Variants in MFN1 observed in about 807,000 individuals in gnomAD.
MFN1 encodes the protein mitofusin-1.
In MFN1, 65 loss-of-function variants were observed where a neutral mutation model predicts 92.4. The observed-to-expected ratio is 0.70, with a 90% CI of 0.58 to 0.86. The LOEUF is 0.86. Ranked by LOEUF, MFN1 falls within the 40% of genes least tolerant of loss-of-function variation. The probability of loss-of-function intolerance (pLI) is 0.00; values close to 1 mark genes in which losing one functional copy is unlikely to be tolerated. For missense variants in MFN1, 781 were observed against 868.0 expected, an observed-to-expected ratio of 0.90 and a Z score of 1.26; for synonymous variants, 297 against 300.9, an observed-to-expected ratio of 0.99 and a Z score of 0.13.
intron 2 of MFN1, among the ~76,000 whole-genome samples, chr3:179,349,722 C>T (rs1712067852): frequency 1.3e-5 from 2 of 151,936 alleles, no homozygotes; most frequent in Non-Finnish European, 2.9e-5. Context: ...ATTGGCCAGG[C>T]TGGTCTCGAA....
rs1173466635 is a variant in MFN1, at chr3:179,365,277, GTTAT to G, written c.753+55_753+58del. On this transcript the variant is annotated intron_variant, in intron 7 of 17. Transcript: ENST00000471841. ...GTTTTGAAATACAGTCACATACATTGTTATTTGAGAAAACAATATTGCTTATAGA... is the reference window on the plus strand; with the variant it reads ...GTTTTGAAATACAGTCACATACATTGTTGAGAAAACAATATTGCTTATAGA... 3 of 1,013,352 alleles carry G rather than the reference GTTAT, an allele frequency of 3.0e-6. No homozygotes were observed. The African/African-American group carries it at 5.1e-5, about 17-fold the overall frequency. 62.8% of individuals were successfully genotyped at this position (1,013,352 alleles called of 1,614,324 possible).
At chr3:179,376,734 C>A (rs915516845) in intron 10 of MFN1, among the ~76,000 whole-genome samples, 9 of 152,186 alleles carry the variant, frequency 5.9e-5, no homozygotes, top group Non-Finnish European at 4.4e-5. Flanking sequence ...TATATGCTGA[C>A]CCCTGCTTAT....
chr3:179,370,694 G>C (rs1712990226), intron 9 of MFN1, among the ~76,000 whole-genome samples: 1 of 152,286 alleles, frequency 6.6e-6, no homozygotes, highest in Non-Finnish European at 1.5e-5. Context: ...ACAGGCGTGA[G>C]CCACCGTGCC....
rs1342745073 is a variant in MFN1, at chr3:179,347,709, A to G, written c.-109A>G. 2 of 152,138 alleles carry G rather than the reference A, an allele frequency of 1.3e-5. No individual in the cohort carries two copies. The highest frequency in any genetic ancestry group is 3.4e-3 in the Middle Eastern group (1 of 294). 9.4% of individuals were successfully genotyped at this position (152,138 alleles called of 1,614,324 possible). On this transcript the variant is annotated 5_prime_UTR_variant, in exon 1 of 18. Transcript: ENST00000471841. ...AGGCCGGAAGTGACCGCCCTTTGCC[A>G]CTCCCCCTGCCTCCTCTCCGCCTTT...
chr3:179,349,900 C>T (rs1398721424), intron 2 of MFN1, among the ~76,000 whole-genome samples: 1 of 151,948 alleles, frequency 6.6e-6, no homozygotes, highest in Non-Finnish European at 1.5e-5. Flanking sequence ...ACCTGTAATC[C>T]CAGCACTTTG....
intron 3 of MFN1, among the ~76,000 whole-genome samples, chr3:179,352,763 T>C (rs1036232848): frequency 2.7e-5 from 4 of 148,936 alleles, no homozygotes; most frequent in East Asian, 1.9e-4. Flanking sequence ...ATTTTTTTTT[T>C]CCCCCTGAGA....
chr3:179,352,530 A>C lies in MFN1; in HGVS notation c.248+495A>C, dbSNP rs551931559. ...CTTTAGGACTGCCTTAATTCAGATA[A>C]AATGTTTTCAGGAGAGTTCTTGCCC... On this transcript the variant is annotated intron_variant, in intron 3 of 17. Transcript: ENST00000471841. 2.0e-5 allele frequency among the ~76,000 whole-genome samples: 3 copies of C among 152,342 alleles called. No homozygotes were observed. In the South Asian group the frequency reaches 6.2e-4, roughly 32 times the overall value.
intron 9 of MFN1, among the ~76,000 whole-genome samples, chr3:179,374,764 T>C (rs1013371924): frequency 3.9e-5 from 6 of 152,206 alleles, no homozygotes; most frequent in African/African-American, 1.4e-4. Context: ...ACAGGAATCA[T>C]TGTATCATTC....
chr3:179,376,935 C>G (rs1029502519), intron 10 of MFN1, 107 bp from the exon 11 acceptor site: 1 of 1,036,476 alleles, frequency 9.6e-7, no homozygotes, highest in Admixed American at 2.8e-5. Flanking sequence ...TTTTTTTTTT[C>G]CTTGAGTCAT....
chr3:179,377,280 A>T, intron 11 of MFN1, 64 bp from the exon 12 acceptor site: 1 of 1,518,594 alleles, frequency 6.6e-7, no homozygotes, highest in Non-Finnish European at 8.9e-7. Context: ...TTTTCAATTT[A>T]ATTTTTTTGA....
intron 3 of MFN1, among the ~76,000 whole-genome samples, chr3:179,354,674 G>T (rs1241315373): frequency 6.6e-6 from 1 of 152,200 alleles, no homozygotes; most frequent in African/African-American, 2.4e-5. Context: ...CCCGAGAACT[G>T]CTGCTTTGGT....
In MFN1 at chr3:179,377,084, G is replaced by A. The variant is rs915544350; in HGVS notation, c.1140G>A (p.Leu380=). Residue 380 remains leucine, a synonymous_variant, in exon 11 of 18, where the codon CTG becomes CTA. Transcript: ENST00000471841. ...VEEREDQIDR[L]DFIRNQMNLL... ...AGAGGGAAGACCAAATTGATAGACT[G>A]GACTTTATTCGAAACCAGATGAACC... is the stretch of plus-strand genomic sequence containing the variant. 44 of 1,613,526 alleles carry A rather than the reference G, an allele frequency of 2.7e-5. No individual in the cohort carries two copies. Among genetic ancestry groups the A allele is most frequent in the African/African-American group, 6.7e-5 (5 of 74,866 alleles).
At position 179,375,212 on chromosome 3, in the gene MFN1, C is replaced by T. The variant is rs1030476572; in HGVS notation, c.976-8C>T. On this transcript the variant is annotated splice_region_variant and splice_polypyrimidine_tract_variant and intron_variant, in intron 9 of 17. Transcript: ENST00000471841. ...ACAGTAATGTGTTACGGCTTGGGCCCCTCGCAGGAGTGTATCTCGCAGTCA... is the reference window on the plus strand; with the variant it reads ...ACAGTAATGTGTTACGGCTTGGGCCTCTCGCAGGAGTGTATCTCGCAGTCA... 1.2e-6 allele frequency: 2 copies of T among 1,607,750 alleles called. No individual in the cohort carries two copies. The highest frequency in any genetic ancestry group is 1.7e-6 in the Non-Finnish European group (2 of 1,177,686).
Position 179,362,392 on chromosome 3 carries a change from A to G in MFN1, c.446A>G (p.Asp149Gly), listed in dbSNP as rs532448204. Residue 149 changes from aspartate to glycine, a missense_variant, in exon 5 of 18, where the codon GAC becomes GGC. By Grantham distance (94) the Asp-to-Gly change is moderately conservative (BLOSUM62 -1). Coordinates refer to ENST00000471841, the MANE Select transcript of MFN1 (RefSeq NM_033540.3). ...VNQLAHALHM[D>G]KDLKAGCLVR... ...CAACTGGCCCATGCCCTTCACATGG[A>G]CAAAGATTTGAAAGCTGGCTGTCTT... 6.2e-7 allele frequency: 1 copy of G among 1,613,116 alleles called. No individual in the cohort carries two copies. The highest frequency in any genetic ancestry group is 2.2e-5 in the East Asian group (1 of 44,858).
chr3:179,362,509 C>G (rs1712623292), intron 5 of MFN1, 27 bp downstream of exon 5: 3 of 1,604,478 alleles, frequency 1.9e-6, no homozygotes, highest in Non-Finnish European at 2.6e-6. Flanking sequence ...ATTGCATTTT[C>G]TCTGGAAGTT....
chr3:179,363,532 C>T (rs1031847545), intron 5 of MFN1, among the ~76,000 whole-genome samples: 12 of 151,566 alleles, frequency 7.9e-5, no homozygotes, highest in African/African-American at 2.9e-4. Context: ...TGCTGTGTTG[C>T]CCAGTCTGGA....
In MFN1 at chr3:179,385,675, C is replaced by A. The variant is rs1713657104; in HGVS notation, c.1769C>A (p.Ser590Tyr). The A allele has an allele frequency of 6.2e-7, 1 of 1,613,692 alleles. No homozygotes were observed. Among genetic ancestry groups the A allele is most frequent in the Admixed American group, 1.7e-5 (1 of 59,940 alleles). The change falls in exon 15 of 18, where the codon TCC becomes TAC. Residue 590 changes from serine (S) to tyrosine (Y), a missense_variant. Physicochemically the swap from Ser to Tyr is moderately radical, Grantham distance 144 (BLOSUM62 -2). Coordinates refer to ENST00000471841, the MANE Select transcript of MFN1 (RefSeq NM_033540.3). The part of the protein sequence containing the change: ...LMITLVTGLA[S>Y]VTSRTSMGII... ...ATTACATTAGTAACAGGATTGGCGT[C>A]CGTTACATCTAGAACTTCTATGGGC... is the stretch of plus-strand genomic sequence containing the variant.
intron 15 of MFN1, 71 bp downstream of exon 15, chr3:179,385,792 A>C (rs1253545009): frequency 3.7e-5 from 53 of 1,421,608 alleles, no homozygotes; most frequent in Non-Finnish European, 5.0e-5. Context: ...TCACAAAAGA[A>C]AAGGTATACA....
Position 179,390,031 on chromosome 3 carries a change from G to A in MFN1, c.2040G>A (p.Leu680=), listed in dbSNP as rs765820868. 1 of 1,603,548 alleles carries A rather than the reference G, an allele frequency of 6.2e-7. No individual in the cohort carries two copies. The highest frequency in any genetic ancestry group is 8.5e-7 in the Non-Finnish European group (1 of 1,177,026). Residue 680 remains leucine, a synonymous_variant, in exon 17 of 18, where the codon CTG becomes CTA. Transcript: ENST00000471841. The part of the protein sequence containing the change: ...KQQIATTFAR[L]CQQVDITQKQ... ...AAATAGCTACCACTTTTGCTCGCCT[G>A]TGCCAACAAGTTGATATTACTCAAA...
Sources: gnomAD v4.1 joint callset for allele counts (sites outside exome capture counted in the v4.1 genomes callset) on GRCh38, gnomAD v4.1.1 for gene constraint, MANE v1.5 for transcripts, NCBI Gene and HGNC (gene_info 2026-07-23, HGNC 2026-07-21) for gene names.